IQCK: variants seen among roughly 807,000 people sequenced by gnomAD.
The protein encoded by IQCK is IQ domain-containing protein K.
Under a neutral mutation model 28.1 loss-of-function variants are expected in IQCK, and 29 were observed. The ratio of observed to expected loss-of-function variants is 1.03; its 90% CI spans 0.77 to 1.41. The LOEUF is 1.41. Among genes scored for constraint, IQCK ranks in the 40% most tolerant of loss-of-function variants. The pLI, the probability that IQCK is intolerant of heterozygous loss-of-function variation, is 0.00. For missense variants in IQCK, 359 were observed against 314.7 expected, an observed-to-expected ratio of 1.14 and a Z score of -1.07; for synonymous variants, 113 against 115.1, an observed-to-expected ratio of 0.98 and a Z score of 0.12.
At chr16:19,818,537 C>T (rs1225761234) in intron 7 of IQCK, among the ~76,000 whole-genome samples, 1 of 152,108 alleles carries the variant, frequency 6.6e-6, no homozygotes, top group African/African-American at 2.4e-5. Flanking sequence ...GGATTACAGA[C>T]ATGTACCACG....
chr16:19,812,777 A>G (rs148312662), intron 7 of IQCK, among the ~76,000 whole-genome samples: 1 of 152,382 alleles, frequency 6.6e-6, no homozygotes, highest in African/African-American at 2.4e-5. Context: ...TAAGATTATA[A>G]AGATTTGCTA....
exon 6 of IQCK, chr16:19,764,037 A>G: frequency 1.2e-6 from 2 of 1,614,024 alleles, no homozygotes; most frequent in Non-Finnish European, 1.7e-6. Context: ...ATGACCAGCC[A>G]AAATCCAAAG....
chr16:19,857,648 A>G, exon 10 of IQCK: 1 of 277,014 alleles, frequency 3.6e-6, no homozygotes. Flanking sequence ...CTCCCTTTCA[A>G]CTTGGGGTTT....
chr16:19,813,210 A>G (rs1389796737), intron 7 of IQCK, among the ~76,000 whole-genome samples: 1 of 152,252 alleles, frequency 6.6e-6, no homozygotes, highest in Non-Finnish European at 1.5e-5. Context: ...GTTAAGAGAC[A>G]AGGACAGAAT....
rs1365915765 is a variant in IQCK at position 19,764,114 on chromosome 16, T to A, written c.605+2T>A. On this transcript the variant is annotated splice_donor_variant, in intron 6 of 7. Coordinates refer to ENST00000564186, the Ensembl canonical transcript of IQCK. LOFTEE classifies it high-confidence loss of function. ...TGTGGAGGAGCGGCTAAAGCAACAGTGAGTATGACACAAGGCTTTGAATAA... is the reference window on the plus strand; with the variant it reads ...TGTGGAGGAGCGGCTAAAGCAACAGAGAGTATGACACAAGGCTTTGAATAA... The A allele has an allele frequency of 6.2e-7, 1 of 1,604,668 alleles. No homozygotes were observed. The highest frequency in any genetic ancestry group is 1.7e-5 in the Admixed American group (1 of 59,714).
intron 7 of IQCK, among the ~76,000 whole-genome samples, chr16:19,817,762 A>G (rs906187204): frequency 3.3e-5 from 5 of 152,234 alleles, no homozygotes; most frequent in Non-Finnish European, 7.3e-5. Flanking sequence ...TTGTATTCCT[A>G]AAACAATACA....
At chr16:19,852,406 TTAAC>T (rs1430999040) in intron 9 of IQCK, among the ~76,000 whole-genome samples, 1 of 145,950 alleles carries the variant, frequency 6.9e-6, no homozygotes, top group Non-Finnish European at 1.5e-5. Flanking sequence ...TCTACAACAT[TTAAC>T]AAACAAACAA....
chr16:19,819,135 G>A (rs59009734), intron 7 of IQCK, among the ~76,000 whole-genome samples: 34,823 of 152,014 alleles, frequency 0.23, 4,609 homozygotes, highest in African/African-American at 0.37. Context: ...TTAAGGCTGG[G>A]CTCCCCACCA....
intron 9 of IQCK, among the ~76,000 whole-genome samples, chr16:19,839,037 AAAAAAG>A (rs2056333069): frequency 6.6e-6 from 1 of 151,374 alleles, no homozygotes; most frequent in African/African-American, 2.4e-5. Context: ...AAAAAAAAAA[AAAAAAG>A]GAAGCTATTA....
intron 9 of IQCK, among the ~76,000 whole-genome samples, chr16:19,841,650 A>G (rs2056363327): frequency 6.6e-6 from 1 of 152,132 alleles, no homozygotes; most frequent in African/African-American, 2.4e-5. Flanking sequence ...TCACCTACAA[A>G]TTCTTACTGG....
chr16:19,763,550 C>T (rs1217371154), intron 4 of IQCK, among the ~76,000 whole-genome samples: 1 of 152,184 alleles, frequency 6.6e-6, no homozygotes, highest in Non-Finnish European at 1.5e-5. Flanking sequence ...TCAAGCAATT[C>T]TCCTGCCTCA....
At chr16:19,822,619 CTG>C (rs1400487263) in intron 7 of IQCK, among the ~76,000 whole-genome samples, 3 of 152,000 alleles carry the variant, frequency 2.0e-5, no homozygotes, top group African/African-American at 7.2e-5. Flanking sequence ...TCCAGAGAGA[CTG>C]TGGATCTAAA....
chr16:19,848,049 G>A (rs1256985298), intron 9 of IQCK, among the ~76,000 whole-genome samples: 2 of 152,166 alleles, frequency 1.3e-5, no homozygotes, highest in African/African-American at 4.8e-5. Context: ...TGGAGTTGCT[G>A]GGTTATATGT....
intron 7 of IQCK, among the ~76,000 whole-genome samples, chr16:19,814,240 A>AAAAC (rs2055950120): frequency 7.0e-6 from 1 of 142,482 alleles, no homozygotes; most frequent in African/African-American, 2.9e-5. Context: ...AAAAAAAAAA[A>AAAAC]AAAAAACCAC....
downstream of IQCK, among the ~76,000 whole-genome samples, chr16:19,827,745 G>C (rs7204485): frequency 0.013 from 1,906 of 152,200 alleles, 47 homozygotes; most frequent in African/African-American, 0.044. Context: ...GACTCTGCCT[G>C]GCCATGTGAG....
intron 1 of IQCK, among the ~76,000 whole-genome samples, chr16:19,725,940 G>A (rs1977639543): frequency 6.8e-6 from 1 of 147,096 alleles, no homozygotes; most frequent in Non-Finnish European, 1.5e-5. Flanking sequence ...TTTGGAGATG[G>A]AGTCTCACTC....
intron 7 of IQCK, among the ~76,000 whole-genome samples, chr16:19,803,422 T>C (rs11865116): frequency 0.36 from 54,162 of 152,042 alleles, 15,601 homozygotes; most frequent in African/African-American, 0.8. Flanking sequence ...GAATTGCAGG[T>C]GTGAGCCACA....
chr16:19,780,190 T>G (rs962058972), intron 6 of IQCK, among the ~76,000 whole-genome samples: 1 of 152,002 alleles, frequency 6.6e-6, no homozygotes, highest in African/African-American at 2.4e-5. Context: ...TGTAGGCATG[T>G]GCCACCTTGC....
In IQCK at chr16:19,768,205, A is replaced by G. The variant is rs533453649; in HGVS notation, c.605+4093A>G. ...TTCACAACAACACTAGGATGTAGGT[A>G]CTAAAGCTGGGAGCCCACAGCTGGG... On this transcript the variant is annotated intron_variant, in intron 6 of 7. Coordinates refer to ENST00000564186, the Ensembl canonical transcript of IQCK. Among the ~76,000 whole-genome samples, 4 of 152,260 alleles carry G rather than the reference A, an allele frequency of 2.6e-5. No individual in the cohort carries two copies. The East Asian group carries it at 5.8e-4, about 22-fold the overall frequency.
Sources: gnomAD v4.1 joint callset for allele counts (sites outside exome capture counted in the v4.1 genomes callset) on GRCh38, gnomAD v4.1.1 for gene constraint, MANE v1.5 for transcripts, NCBI Gene and HGNC (gene_info 2026-07-23, HGNC 2026-07-21) for gene names.